Variants in LHPP observed in about 807,000 individuals in gnomAD.
LHPP encodes phospholysine phosphohistidine inorganic pyrophosphate phosphatase.
A neutral mutation model predicts 30.3 loss-of-function variants in LHPP; 24 were observed. The ratio of observed to expected loss-of-function variants is 0.79; its 90% CI spans 0.57 to 1.11. LHPP has a LOEUF of 1.11. Ranked by LOEUF, LHPP falls within the 50% of genes most tolerant of loss-of-function variation. LHPP has a pLI of 0.00. For missense variants in LHPP, 356 were observed against 367.2 expected (o/e 0.97, Z 0.25); for synonymous variants, 150 against 157.1 (o/e 0.95, Z 0.34).
rs1165779322 is a variant in LHPP, at chr10:124,613,418, CCCTCCACCCCTGCCTCT to C, written c.*68_*84del. On this transcript the variant is annotated 3_prime_UTR_variant, in exon 7 of 7. Coordinates refer to ENST00000368842, the MANE Select transcript of LHPP (RefSeq NM_022126.4). ...CCTGCCTCTCCTCCACCCCTGCCTC[CCCTCCACCCCTGCCTCT>C]CCTCCACCCGCCCAGGAGAGCCCCA... 14 of 1,072,988 alleles carry C rather than the reference CCCTCCACCCCTGCCTCT, an allele frequency of 1.3e-5. No homozygotes were observed. The highest frequency in any genetic ancestry group is 2.0e-5 in the Non-Finnish European group (14 of 714,622). The allele number at this position is 1,072,988 out of a possible 1,614,324, so 66.5% of individuals were successfully genotyped here. A position where few individuals can be genotyped will look rare whatever the true frequency, so the allele number is the denominator to read the frequency against.
At chr10:124,513,854 C>T (rs142144191) in intron 5 of LHPP, among the ~76,000 whole-genome samples, 118 of 151,680 alleles carry the variant, frequency 7.8e-4, no homozygotes, top group African/African-American at 2.7e-3. Context: ...CAAAAGGAGA[C>T]CCACAAATGA....
intron 6 of LHPP, among the ~76,000 whole-genome samples, chr10:124,582,109 G>A (rs1948751379): frequency 6.8e-6 from 1 of 146,860 alleles, no homozygotes; most frequent in South Asian, 2.2e-4. Flanking sequence ...TTTAAAGTCA[G>A]GATCTCTGTC....
At chr10:124,505,503 A>G (rs1339014276) in intron 5 of LHPP, among the ~76,000 whole-genome samples, 1 of 152,088 alleles carries the variant, frequency 6.6e-6, no homozygotes, top group Non-Finnish European at 1.5e-5. Context: ...CCCCAAATCC[A>G]ATTTTCATTT....
In LHPP at chr10:124,478,261, C is replaced by T. The variant is rs575414854; in HGVS notation, c.126-5878C>T. Among the ~76,000 whole-genome samples the T allele has an allele frequency of 1.1e-4, 17 of 152,300 alleles. No individual in the cohort carries two copies. The Middle Eastern group carries it at 0.01, about 91-fold the overall frequency. ...TCCAGGAGGAAGAGGTGTATGAACC[C>T]TGCTTTGTAGGATGATCAGGGTCAG... On this transcript the variant is annotated intron_variant, in intron 1 of 6. Coordinates refer to ENST00000368842, the MANE Select transcript of LHPP (RefSeq NM_022126.4). The surrounding 1 kb of genome is among the most constrained non-coding windows in gnomAD (Gnocchi z 4.7).
intron 5 of LHPP, chr10:124,498,624 C>A: frequency 1.5e-6 from 1 of 676,430 alleles, no homozygotes; most frequent in Non-Finnish European, 2.5e-6. Context: ...CTAAGTGAGT[C>A]TGGCTTCGTC....
At chr10:124,569,547 G>A (rs991916156) in intron 6 of LHPP, among the ~76,000 whole-genome samples, 2 of 152,176 alleles carry the variant, frequency 1.3e-5, no homozygotes, top group Non-Finnish European at 2.9e-5. Flanking sequence ...GGCAGGGTGG[G>A]CAGGGCAGCC....
chr10:124,547,887 G>A (rs1455432237), intron 6 of LHPP, among the ~76,000 whole-genome samples: 3 of 152,360 alleles, frequency 2.0e-5, no homozygotes, highest in African/African-American at 7.2e-5. Flanking sequence ...AACAGTGAGT[G>A]GAGGTGGGTG....
chr10:124,572,843 C>G (rs1054640497), intron 6 of LHPP, among the ~76,000 whole-genome samples: 2 of 152,194 alleles, frequency 1.3e-5, no homozygotes, highest in Non-Finnish European at 2.9e-5. Context: ...CGCTGCTGCT[C>G]CCATCCAGCT....
At chr10:124,525,213 C>T (rs1419837217) in intron 6 of LHPP, among the ~76,000 whole-genome samples, 1 of 152,226 alleles carries the variant, frequency 6.6e-6, no homozygotes, top group Non-Finnish European at 1.5e-5. Context: ...CTCCAACACC[C>T]CTCTCTGCCC....
chr10:124,512,343 G>A (rs1457258685), intron 5 of LHPP, among the ~76,000 whole-genome samples: 3 of 152,264 alleles, frequency 2.0e-5, no homozygotes, highest in South Asian at 2.1e-4. Flanking sequence ...TAGGCCGGGC[G>A]CGGTGGCTCA....
chr10:124,613,348 C>A lies in LHPP; in HGVS notation c.801C>A (p.His267Gln). The A allele has an allele frequency of 1.2e-6, 2 of 1,612,044 alleles. No homozygotes were observed. The highest frequency in any genetic ancestry group is 2.7e-5 in the African/African-American group (2 of 74,972). Residue 267 changes from histidine (H) to glutamine (Q), a missense_variant, in exon 7 of 7, where the codon CAC becomes CAA. By Grantham distance (24) the His-to-Gln change is conservative (BLOSUM62 0). Coordinates refer to ENST00000368842, the MANE Select transcript of LHPP (RefSeq NM_022126.4). ...LAEAVDLLLQ[H>Q]ADK ...AGGCAGTGGACCTGCTGCTGCAGCA[C>A]GCCGACAAGTGATGGCCTCCTGGGA...
At chr10:124,469,783 G>A (rs1952673484) in intron 1 of LHPP, among the ~76,000 whole-genome samples, 2 of 152,168 alleles carry the variant, frequency 1.3e-5, no homozygotes, top group South Asian at 4.1e-4. Context: ...GCAGTCATGG[G>A]GGACCAGCAG....
In LHPP at chr10:124,488,476, T is replaced by C; in HGVS notation, c.368T>C (p.Ile123Thr). 2 of 1,614,030 alleles carry C rather than the reference T, an allele frequency of 1.2e-6. No individual in the cohort carries two copies. The highest frequency in any genetic ancestry group is 1.1e-5 in the South Asian group (1 of 91,070). ...ACATCCAACCCAAACTGTGTGGTAA[T>C]TGCAGACGCAGGAGAAAGCTTTTCT... The part of the protein sequence containing the change: ...IDTSNPNCVV[I>T]ADAGESFSYQ... The change falls in exon 3 of 7, where the codon ATT (isoleucine) becomes ACT (threonine). Residue 123 changes from isoleucine (I) to threonine (T), a missense_variant. Physicochemically the swap from Ile to Thr is moderately conservative, Grantham distance 89. Transcript: ENST00000368842.
intron 5 of LHPP, among the ~76,000 whole-genome samples, chr10:124,513,180 C>A (rs1231561502): frequency 2.0e-5 from 3 of 152,110 alleles, no homozygotes; most frequent in Admixed American, 6.6e-5. Flanking sequence ...CCTGCCTCAG[C>A]CTCCCAAGTA....
intron 6 of LHPP, among the ~76,000 whole-genome samples, chr10:124,573,523 C>T (rs1255244428): frequency 6.6e-6 from 1 of 152,220 alleles, no homozygotes; most frequent in Non-Finnish European, 1.5e-5. Flanking sequence ...GTTGCCCAGG[C>T]TGGTCTTGAA....
intron 6 of LHPP, among the ~76,000 whole-genome samples, chr10:124,567,720 C>T (rs1047946190): frequency 2.0e-4 from 31 of 152,176 alleles, no homozygotes; most frequent in Admixed American, 2.0e-3. Flanking sequence ...CGGTTAGACA[C>T]GCATATGCAC....
At chr10:124,486,602 T>C (rs1438125803) in intron 2 of LHPP, among the ~76,000 whole-genome samples, 1 of 152,224 alleles carries the variant, frequency 6.6e-6, no homozygotes, top group Non-Finnish European at 1.5e-5. Flanking sequence ...CTCCCAGCGA[T>C]GATGTGTGAC....
At chr10:124,544,168 A>T (rs1364126965) in intron 6 of LHPP, among the ~76,000 whole-genome samples, 2 of 152,158 alleles carry the variant, frequency 1.3e-5, no homozygotes, top group Non-Finnish European at 2.9e-5. Flanking sequence ...CCCAGGACTG[A>T]TCTGACAGAC....
Position 124,529,832 on chromosome 10 carries a change from CAT to C in LHPP, c.716+12562_716+12563del, listed in dbSNP as rs1954847004. On this transcript the variant is annotated intron_variant, in intron 6 of 6. Transcript: ENST00000368842. ...ACACACGCACACACACACACACACA[CAT>C]GCGCACATGCACCCACGCACTCTCT... 4.6e-5 allele frequency among the ~76,000 whole-genome samples: 7 copies of C among 151,696 alleles called. No homozygotes were observed. In the South Asian group the frequency reaches 8.4e-4, roughly 18 times the overall value.
Sources: gnomAD v4.1 joint callset for allele counts (sites outside exome capture counted in the v4.1 genomes callset) on GRCh38, gnomAD v4.1.1 for gene constraint, Gnocchi (gnomAD v3.1) non-coding constraint, MANE v1.5 for transcripts, NCBI Gene and HGNC (gene_info 2026-07-23, HGNC 2026-07-21) for gene names.